PDGFC: variants seen among roughly 807,000 people sequenced by gnomAD.
PDGFC encodes the protein platelet derived growth factor C, also known as platelet-derived growth factor C.
Under a neutral mutation model 35.5 loss-of-function variants are expected in PDGFC, and 12 were observed. The observed-to-expected ratio is 0.34, with a 90% confidence interval of 0.22 to 0.55. The LOEUF is 0.55. Among genes scored for constraint, PDGFC ranks in the 20% least tolerant of loss-of-function variants. The pLI, the probability that PDGFC is intolerant of heterozygous loss-of-function variation, is 0.91. For synonymous variants in PDGFC, 159 were observed against 148.8 expected, an observed-to-expected ratio of 1.07 and a Z score of -0.50; for missense variants, 322 against 412.4, an observed-to-expected ratio of 0.78 and a Z score of 1.90.
chr4:156,851,535 C>T (rs1260833970), intron 1 of PDGFC, among the ~76,000 whole-genome samples: 2 of 152,016 alleles, frequency 1.3e-5, no homozygotes, highest in Non-Finnish European at 2.9e-5. Flanking sequence ...TATACCCAAC[C>T]AGTTGAGAGT....
intron 2 of PDGFC, 68 bp from the exon 3 acceptor site, chr4:156,811,085 G>A (rs577269005): frequency 2.0e-5 from 21 of 1,037,930 alleles, no homozygotes; most frequent in Non-Finnish European, 2.7e-5. Context: ...CAAGTTTCAT[G>A]TCTGTGGGTG....
intron 2 of PDGFC, among the ~76,000 whole-genome samples, chr4:156,821,566 G>A (rs983904756): frequency 4.6e-5 from 7 of 151,760 alleles, no homozygotes; most frequent in Admixed American, 1.3e-4. Context: ...TTATCTTTTC[G>A]AGACAGGGTC....
intron 2 of PDGFC, among the ~76,000 whole-genome samples, chr4:156,847,263 G>T (rs568743996): frequency 3.3e-4 from 50 of 151,816 alleles, no homozygotes; most frequent in African/African-American, 1.1e-3. Flanking sequence ...ATACGTAAGT[G>T]ATCAAAGCTA....
At chr4:156,820,621 ATCTCCAAGGTACGCCTGTAATACT>A (rs1190452281) in intron 2 of PDGFC, among the ~76,000 whole-genome samples, 12 of 152,226 alleles carry the variant, frequency 7.9e-5, no homozygotes, top group African/African-American at 2.9e-4. Flanking sequence ...AACCAACAAT[ATCTCCAAGGTACGCCTGTAATACT>A]TTATGACTGA....
At chr4:156,960,702 T>C in intron 1 of PDGFC, among the ~76,000 whole-genome samples, 1 of 151,996 alleles carries the variant, frequency 6.6e-6, no homozygotes, top group Non-Finnish European at 1.5e-5. Context: ...TACAGATCTA[T>C]ATTTTTCATA....
chr4:156,885,553 T>G (rs567581963), intron 1 of PDGFC, among the ~76,000 whole-genome samples: 1 of 152,300 alleles, frequency 6.6e-6, no homozygotes, highest in African/African-American at 2.4e-5. Flanking sequence ...ATTTAGAGTA[T>G]GCTTTTTTTT....
At chr4:156,963,845 C>T in intron 1 of PDGFC, among the ~76,000 whole-genome samples, 1 of 151,860 alleles carries the variant, frequency 6.6e-6, no homozygotes. Context: ...ATTATAGTTC[C>T]CCTTTATAAT....
At chr4:156,942,831 G>T (rs950073452) in intron 1 of PDGFC, among the ~76,000 whole-genome samples, 3 of 151,642 alleles carry the variant, frequency 2.0e-5, no homozygotes, top group Non-Finnish European at 1.5e-5. Context: ...GGATATGAAT[G>T]ATTATGAATA....
intron 3 of PDGFC, among the ~76,000 whole-genome samples, chr4:156,788,886 A>C (rs183435816): frequency 1.3e-5 from 2 of 152,348 alleles, no homozygotes; most frequent in Non-Finnish European, 2.9e-5. Flanking sequence ...ATATACAAGT[A>C]CTAGGAAAAC....
At chr4:156,794,637 T>A (rs1369826301) in intron 3 of PDGFC, among the ~76,000 whole-genome samples, 1 of 152,020 alleles carries the variant, frequency 6.6e-6, no homozygotes, top group Admixed American at 6.6e-5. Flanking sequence ...AAAATATCTA[T>A]TTATATACCT....
intron 1 of PDGFC, among the ~76,000 whole-genome samples, chr4:156,928,042 C>T (rs796098361): frequency 3.5e-4 from 54 of 152,150 alleles, no homozygotes; most frequent in African/African-American, 1.2e-3. Context: ...GATACAAAAG[C>T]GGAAACCCCG....
intron 2 of PDGFC, among the ~76,000 whole-genome samples, chr4:156,843,597 C>T (rs997594902): frequency 3.9e-5 from 6 of 152,102 alleles, no homozygotes; most frequent in African/African-American, 1.4e-4. Context: ...GTAGGGTTCC[C>T]ACAACATATC....
chr4:156,927,891 GC>G (rs1731452138), intron 1 of PDGFC, among the ~76,000 whole-genome samples: 1 of 152,060 alleles, frequency 6.6e-6, no homozygotes, highest in African/African-American at 2.4e-5. Context: ...TTTTCATGCT[GC>G]TGATAAAGAC....
intron 2 of PDGFC, among the ~76,000 whole-genome samples, chr4:156,838,500 A>G (rs1477657852): frequency 6.6e-6 from 1 of 151,472 alleles, no homozygotes; most frequent in African/African-American, 2.5e-5. Flanking sequence ...TGACACTTTC[A>G]TGACTTTCTC....
intron 1 of PDGFC, among the ~76,000 whole-genome samples, chr4:156,911,488 T>C (rs1382963281): frequency 6.6e-6 from 1 of 152,118 alleles, no homozygotes; most frequent in Non-Finnish European, 1.5e-5. Flanking sequence ...ATAATGATAC[T>C]AGTATTAACA....
intron 3 of PDGFC, chr4:156,778,214 C>A: frequency 2.5e-6 from 1 of 396,446 alleles, no homozygotes; most frequent in Non-Finnish European, 5.3e-6. Flanking sequence ...TGTGAGAAGC[C>A]AAGTATACTG....
At chr4:156,850,442 C>T (rs770294066) in intron 1 of PDGFC, 26 bp from the exon 2 acceptor site, 4 of 1,382,408 alleles carry the variant, frequency 2.9e-6, no homozygotes, top group Non-Finnish European at 4.0e-6. Flanking sequence ...TAGACATAGA[C>T]ATACATTTAG....
intron 3 of PDGFC, among the ~76,000 whole-genome samples, chr4:156,791,796 T>A (rs1731306006): frequency 6.6e-6 from 1 of 152,212 alleles, no homozygotes; most frequent in South Asian, 2.1e-4. Context: ...TGTGGTAACC[T>A]TACAAAGATG....
chr4:156,931,694 G>C (rs1731553152), intron 1 of PDGFC, among the ~76,000 whole-genome samples: 1 of 152,066 alleles, frequency 6.6e-6, no homozygotes, highest in Admixed American at 6.6e-5. Flanking sequence ...GGACCACCCA[G>C]ACATTTGCTA....
Sources: allele counts gnomAD v4.1 joint callset (sites outside exome capture counted in the v4.1 genomes callset), GRCh38; gene constraint gnomAD v4.1.1; transcripts MANE v1.5; gene names NCBI Gene and HGNC (gene_info 2026-07-23, HGNC 2026-07-21).